SGCZ: variants seen among roughly 807,000 people sequenced by gnomAD.
SGCZ encodes zeta-sarcoglycan.
SGCZ carries 40 observed loss-of-function variants against 41.3 expected under a neutral mutation model. That is an observed-to-expected ratio of 0.97 (90% CI 0.75 to 1.26). The LOEUF is 1.26. SGCZ is among the 50% of genes most tolerant of loss of function. The pLI, the probability that SGCZ is intolerant of heterozygous loss-of-function variation, is 0.00. For missense variants in SGCZ, 552 were observed against 369.8 expected (o/e 1.49, Z -4.04); for synonymous variants, 206 against 137.5 (o/e 1.50, Z -3.49).
At chr8:14,318,772 G>A (rs1237477615) in intron 3 of SGCZ, among the ~76,000 whole-genome samples, 1 of 151,888 alleles carries the variant, frequency 6.6e-6, no homozygotes, top group Non-Finnish European at 1.5e-5. Flanking sequence ...ACAAACAGAA[G>A]AGCTAGACAG....
intron 1 of SGCZ, among the ~76,000 whole-genome samples, chr8:15,146,947 C>T (rs1287217650): frequency 1.3e-5 from 2 of 152,016 alleles, no homozygotes; most frequent in East Asian, 3.9e-4. Flanking sequence ...AACACAGATG[C>T]CCACAAAAGT....
intron 5 of SGCZ, among the ~76,000 whole-genome samples, chr8:14,163,291 T>G (rs1804103716): frequency 6.6e-6 from 1 of 152,186 alleles, no homozygotes; most frequent in South Asian, 2.1e-4. Context: ...TACTTATTCG[T>G]TATTTTTCCT....
At chr8:14,551,580 AAT>A (rs1396103134) in intron 2 of SGCZ, among the ~76,000 whole-genome samples, 8 of 24,542 alleles carry the variant, frequency 3.3e-4, no homozygotes, top group East Asian at 3.4e-3. Flanking sequence ...ATATATATAT[AAT>A]ATATATAATA....
At chr8:14,832,477 G>A (rs768353755) in intron 1 of SGCZ, among the ~76,000 whole-genome samples, 30 of 151,606 alleles carry the variant, frequency 2.0e-4, no homozygotes, top group African/African-American at 7.0e-4. Flanking sequence ...TTCTACCACC[G>A]TATCTAAGAG....
At chr8:14,938,586 G>A (rs1800161846) in intron 1 of SGCZ, among the ~76,000 whole-genome samples, 1 of 151,964 alleles carries the variant, frequency 6.6e-6, no homozygotes, top group African/African-American at 2.4e-5. Flanking sequence ...TATGTTATTG[G>A]TAAAGCTTCT....
intron 1 of SGCZ, among the ~76,000 whole-genome samples, chr8:14,613,660 T>C (rs566553995): frequency 3.9e-5 from 6 of 152,310 alleles, no homozygotes; most frequent in African/African-American, 1.2e-4. Context: ...GTAAATGATA[T>C]GCAAACTACT....
At chr8:15,059,324 A>G (rs1284503890) in intron 1 of SGCZ, among the ~76,000 whole-genome samples, 12 of 152,176 alleles carry the variant, frequency 7.9e-5, no homozygotes, top group South Asian at 2.1e-4. Context: ...ACTAGATCTT[A>G]CCTCCTAAGG....
At chr8:15,011,536 A>G (rs897720998) in intron 1 of SGCZ, among the ~76,000 whole-genome samples, 20 of 152,210 alleles carry the variant, frequency 1.3e-4, no homozygotes, top group African/African-American at 4.6e-4. Context: ...ATTCATAAGA[A>G]CCTATTGAAA....
At position 14,696,186 on chromosome 8, in the gene SGCZ, A is replaced by G. The variant is rs1211774034; in HGVS notation, c.40-141260T>C. Among the ~76,000 whole-genome samples, 11 of 152,152 alleles carry G rather than the reference A, an allele frequency of 7.2e-5. 1 individual carries two copies. Among genetic ancestry groups the G allele is most frequent in the African/African-American group, 2.4e-4 (10 of 41,430 alleles). On this transcript the variant is annotated intron_variant, in intron 1 of 7. Coordinates refer to ENST00000382080, the MANE Select transcript of SGCZ (RefSeq NM_139167.4). Reference sequence around the variant, plus strand: ...GGGTTGACATTATATCACGTTCTCAAAAGTGAATCAGACATTTAATATGCC... The same window carrying G: ...GGGTTGACATTATATCACGTTCTCAGAAGTGAATCAGACATTTAATATGCC...
intron 1 of SGCZ, among the ~76,000 whole-genome samples, chr8:15,025,681 C>T (rs886552415): frequency 3.9e-5 from 6 of 152,012 alleles, no homozygotes; most frequent in African/African-American, 1.4e-4. Context: ...AGATTTTGGT[C>T]TTAAAAATAT....
At chr8:14,741,086 G>C (rs1224954295) in intron 1 of SGCZ, among the ~76,000 whole-genome samples, 1 of 151,984 alleles carries the variant, frequency 6.6e-6, no homozygotes, top group Non-Finnish European at 1.5e-5. Context: ...TAAAACTGCA[G>C]TAACTAGAAA....
At chr8:14,336,572 C>T (rs1802514375) in intron 2 of SGCZ, among the ~76,000 whole-genome samples, 1 of 152,256 alleles carries the variant, frequency 6.6e-6, no homozygotes, top group East Asian at 1.9e-4. Flanking sequence ...TATAAGCATT[C>T]TCTTTTCTTT....
rs1242958719 is a variant in SGCZ, at chr8:15,159,752, AC to A, written c.39+77832del. Among the ~76,000 whole-genome samples the A allele has an allele frequency of 1.2e-3, 32 of 26,994 alleles. 4 individuals carry two copies. The highest frequency in any genetic ancestry group is 1.7e-3 in the Non-Finnish European group (23 of 13,538). 17.7% of individuals were successfully genotyped at this position (26,994 alleles called of 152,430 possible). On this transcript the variant is annotated intron_variant, in intron 1 of 7. Transcript: ENST00000382080. ...CCCCGCCCCCCCCACCCTCCCCCCC[AC>A]CCCCGCCACACACACACAGATGGTG...
At chr8:14,825,670 A>G (rs1163919637) in intron 1 of SGCZ, among the ~76,000 whole-genome samples, 3 of 152,086 alleles carry the variant, frequency 2.0e-5, no homozygotes, top group Admixed American at 6.6e-5. Flanking sequence ...TTATCTTACA[A>G]CTGAAACACT....
intron 1 of SGCZ, among the ~76,000 whole-genome samples, chr8:15,069,395 T>G (rs1308816354): frequency 6.6e-6 from 1 of 152,230 alleles, no homozygotes; most frequent in Non-Finnish European, 1.5e-5. Flanking sequence ...TTTACAAGCT[T>G]ATTGTGAATA....
intron 1 of SGCZ, among the ~76,000 whole-genome samples, chr8:15,181,935 T>G (rs1173917323): frequency 6.6e-6 from 1 of 152,208 alleles, no homozygotes; most frequent in Non-Finnish European, 1.5e-5. Flanking sequence ...CTTTCAATTT[T>G]TGAACCTGTG....
At chr8:14,975,791 A>T (rs201779464) in intron 1 of SGCZ, among the ~76,000 whole-genome samples, 859 of 62,392 alleles carry the variant, frequency 0.014, 6 homozygotes, top group East Asian at 0.049. Context: ...TTCCACTTTT[A>T]TATATATATA....
rs143757268 is a variant in SGCZ at position 14,549,572 on chromosome 8, A to T, written c.234+5160T>A. Among the ~76,000 whole-genome samples, 1,090 of 152,248 alleles carry T rather than the reference A, an allele frequency of 7.2e-3. 14 individuals are homozygous for T. The highest frequency in any genetic ancestry group is 0.025 in the African/African-American group (1,022 of 41,554). On this transcript the variant is annotated intron_variant, in intron 2 of 7. Transcript: ENST00000382080. ...ATCACCTACTATGTGCTCAACCAAG[A>T]TATCAAGGTAAATAAGAACAGCTTC... is the stretch of plus-strand genomic sequence containing the variant.
intron 1 of SGCZ, chr8:14,879,926 C>G (rs755036833): frequency 1.3e-5 from 2 of 151,994 alleles, no homozygotes; most frequent in African/African-American, 4.8e-5. Flanking sequence ...CTGCACCTCC[C>G]CCTTCCTGGG....
Sources: gnomAD v4.1 joint callset for allele counts (sites outside exome capture counted in the v4.1 genomes callset) on GRCh38, gnomAD v4.1.1 for gene constraint, MANE v1.5 for transcripts, NCBI Gene and HGNC (gene_info 2026-07-23, HGNC 2026-07-21) for gene names.